The following SDK1 variants were observed in gnomAD, a reference collection of about 807,000 sequenced individuals.
SDK1 encodes the protein sidekick cell adhesion molecule 1.
A neutral mutation model predicts 245.5 loss-of-function variants in SDK1; 157 were observed. The ratio of observed to expected loss-of-function variants is 0.64; its 90% confidence interval spans 0.56 to 0.73. The LOEUF (loss-of-function observed/expected upper bound fraction) is 0.73. Ranked by LOEUF, SDK1 falls within the 30% of genes least tolerant of loss-of-function variation. SDK1 has a pLI of 0.00. For synonymous variants in SDK1, 1,647 were observed against 1,278.5 expected, an observed-to-expected ratio of 1.29 and a Z score of -6.15; for missense variants, 3,583 against 3,002.3, an observed-to-expected ratio of 1.19 and a Z score of -4.52.
intron 2 of SDK1, among the ~76,000 whole-genome samples, chr7:3,624,117 C>A (rs1183706967): frequency 1.3e-5 from 2 of 152,136 alleles, no homozygotes; most frequent in Non-Finnish European, 2.9e-5. Flanking sequence ...AACCCACTTG[C>A]TATAAAAATT....
At chr7:3,382,251 A>C (rs968932462) in intron 1 of SDK1, among the ~76,000 whole-genome samples, 1 of 151,980 alleles carries the variant, frequency 6.6e-6, no homozygotes, top group Non-Finnish European at 1.5e-5. Flanking sequence ...GATTACAGGC[A>C]TGAACCATAG....
chr7:4,217,890 G>A (rs1316022986), intron 38 of SDK1, among the ~76,000 whole-genome samples: 1 of 152,062 alleles, frequency 6.6e-6, no homozygotes, highest in African/African-American at 2.4e-5. Context: ...ACCTGGGTTT[G>A]TTTTTGCTCC....
intron 14 of SDK1, among the ~76,000 whole-genome samples, chr7:4,005,618 G>A (rs930687516): frequency 2.6e-5 from 4 of 151,996 alleles, no homozygotes; most frequent in Admixed American, 2.0e-4. Context: ...AAAAAGAGGC[G>A]CAGTAAGACC....
chr7:3,702,295 TG>T (rs1291993727), intron 4 of SDK1, among the ~76,000 whole-genome samples: 1 of 152,208 alleles, frequency 6.6e-6, no homozygotes, highest in East Asian at 1.9e-4. Context: ...AAAAATCTAA[TG>T]CTAAAATGGG....
At chr7:3,419,514 G>C (rs1023088578) in intron 1 of SDK1, among the ~76,000 whole-genome samples, 2 of 152,150 alleles carry the variant, frequency 1.3e-5, no homozygotes, top group African/African-American at 2.4e-5. Flanking sequence ...GCAGGGGGTT[G>C]CTGTTTCGAA....
intron 30 of SDK1, among the ~76,000 whole-genome samples, chr7:4,155,489 G>T (rs1780671651): frequency 6.6e-6 from 1 of 152,220 alleles, no homozygotes; most frequent in Non-Finnish European, 1.5e-5. Context: ...CAAGGAGCTT[G>T]CAGTGTGGCT....
rs1041417027 is a variant in SDK1 at position 4,119,453 on chromosome 7, T to C, written c.3823+5179T>C. ...CTGGGTGGCAGAGCAAGACCCTGTCTCTAAAAAAAATAATAAGAATGGCTC... is the reference window on the plus strand; with the variant it reads ...CTGGGTGGCAGAGCAAGACCCTGTCCCTAAAAAAAATAATAAGAATGGCTC... On this transcript the variant is annotated intron_variant, in intron 25 of 44. Coordinates refer to ENST00000404826, the MANE Select transcript of SDK1 (RefSeq NM_152744.4). Among the ~76,000 whole-genome samples, 3 of 148,064 alleles carry C rather than the reference T, an allele frequency of 2.0e-5. 1 individual carries two copies. The highest frequency in any genetic ancestry group is 1.3e-4 in the Admixed American group (2 of 14,906).
chr7:3,802,756 C>T (rs770705006), intron 4 of SDK1, among the ~76,000 whole-genome samples: 1 of 152,180 alleles, frequency 6.6e-6, no homozygotes, highest in Non-Finnish European at 1.5e-5. Flanking sequence ...ACCTAATACT[C>T]TTGAGACCCA....
intron 4 of SDK1, among the ~76,000 whole-genome samples, chr7:3,773,992 A>G (rs1562433242): frequency 1.3e-5 from 2 of 152,090 alleles, no homozygotes; most frequent in Non-Finnish European, 2.9e-5. Flanking sequence ...AGGTGGGTGG[A>G]TCACGAGGTC....
At chr7:3,966,697 T>A (rs980960861) in intron 9 of SDK1, among the ~76,000 whole-genome samples, 1 of 152,150 alleles carries the variant, frequency 6.6e-6, no homozygotes, top group African/African-American at 2.4e-5. Context: ...TTTTTGTTTT[T>A]GTTTTTGAGA....
At chr7:3,698,354 C>T (rs952268148) in intron 4 of SDK1, among the ~76,000 whole-genome samples, 6 of 152,272 alleles carry the variant, frequency 3.9e-5, no homozygotes, top group South Asian at 2.1e-4. Context: ...TTCCCTCTCA[C>T]GGTATTGGAG....
intron 1 of SDK1, among the ~76,000 whole-genome samples, chr7:3,400,910 A>G (rs953677145): frequency 1.3e-5 from 2 of 152,088 alleles, no homozygotes; most frequent in African/African-American, 4.8e-5. Flanking sequence ...GCTTATCTCT[A>G]CCCAGTCTCG....
intron 1 of SDK1, among the ~76,000 whole-genome samples, chr7:3,360,837 G>A (rs565935273): frequency 6.6e-6 from 1 of 152,064 alleles, no homozygotes; most frequent in African/African-American, 2.4e-5. Flanking sequence ...GGAGATAGTG[G>A]GGGGAGTTAT....
At chr7:3,971,402 C>T (rs1012057082) in intron 11 of SDK1, 64 bp from the exon 12 acceptor site, 99 of 1,114,326 alleles carry the variant, frequency 8.9e-5, no homozygotes, top group Non-Finnish European at 1.2e-4. Flanking sequence ...GGCATTATCC[C>T]CCCTGAGGGC....
chr7:3,924,467 C>T (rs145038460), intron 5 of SDK1, among the ~76,000 whole-genome samples: 5 of 152,166 alleles, frequency 3.3e-5, no homozygotes, highest in Admixed American at 6.5e-5. Context: ...TGATCTCCCC[C>T]ACCCCTGCTG....
At position 4,079,373 on chromosome 7, in the gene SDK1, C is replaced by A; in HGVS notation, c.3203-90C>A. ...TTTTTGGTATAGAATCGTTTTGAAACTGTTTACTTTTGAAGCTGACACGTT... is the reference window on the plus strand; with the variant it reads ...TTTTTGGTATAGAATCGTTTTGAAAATGTTTACTTTTGAAGCTGACACGTT... On this transcript the variant is annotated intron_variant, in intron 21 of 44. Transcript: ENST00000404826. The A allele has an allele frequency of 9.5e-6, 14 of 1,470,718 alleles. No homozygotes were observed. The African/African-American group carries it at 1.2e-4, about 12-fold the overall frequency. 91.1% of individuals were successfully genotyped at this position (1,470,718 alleles called of 1,614,324 possible). A position where few individuals can be genotyped will look rare whatever the true frequency, so the allele number is the denominator to read the frequency against.
intron 1 of SDK1, among the ~76,000 whole-genome samples, chr7:3,322,839 T>C (rs1779851152): frequency 6.6e-6 from 1 of 152,140 alleles, no homozygotes; most frequent in Non-Finnish European, 1.5e-5. Context: ...ACCTTGTCTC[T>C]GTCTCTGTCG....
intron 5 of SDK1, among the ~76,000 whole-genome samples, chr7:3,914,838 G>A (rs1460739890): frequency 6.6e-6 from 1 of 152,184 alleles, no homozygotes; most frequent in African/African-American, 2.4e-5. Flanking sequence ...GAATTTAAAT[G>A]AGACCTTCAG....
intron 5 of SDK1, among the ~76,000 whole-genome samples, chr7:3,937,913 C>T (rs1372790136): frequency 1.3e-5 from 2 of 152,152 alleles, no homozygotes; most frequent in African/African-American, 4.8e-5. Flanking sequence ...TCTCGGCTCA[C>T]TGCAACCTCC....
Sources: gnomAD v4.1 joint callset for allele counts (sites outside exome capture counted in the v4.1 genomes callset) on GRCh38, gnomAD v4.1.1 for gene constraint, MANE v1.5 for transcripts, NCBI Gene and HGNC (gene_info 2026-07-23, HGNC 2026-07-21) for gene names.